Variants in LHFPL3 observed in about 807,000 individuals in gnomAD.
The protein encoded by LHFPL3 is LHFPL tetraspan subfamily member 3.
Under a neutral mutation model 19.3 loss-of-function variants are expected in LHFPL3, and 5 were observed. That is an observed-to-expected ratio of 0.26 (90% confidence interval 0.14 to 0.54). The LOEUF is 0.54. Ranked by LOEUF, LHFPL3 falls within the 20% of genes least tolerant of loss-of-function variation. The pLI is 0.94. For missense variants in LHFPL3, 249 were observed against 307.4 expected (o/e 0.81, Z 1.42); for synonymous variants, 133 against 126.2 (o/e 1.05, Z -0.36).
rs913379490 is a variant in LHFPL3, at chr7:104,906,541, T to C, written c.*326T>C. On this transcript the variant is annotated 3_prime_UTR_variant, in exon 3 of 3. Coordinates refer to ENST00000424859, the MANE Select transcript of LHFPL3 (RefSeq NM_199000.3). Reference sequence around the variant, plus strand: ...GAATATAAATGCTCTAGAGTTAACATGTAAAATATATACGTACTGAGGTTT... The same window carrying C: ...GAATATAAATGCTCTAGAGTTAACACGTAAAATATATACGTACTGAGGTTT... 3 of 334,490 alleles carry C rather than the reference T, an allele frequency of 9.0e-6. No homozygotes were observed. Among genetic ancestry groups the C allele is most frequent in the African/African-American group, 2.1e-5 (1 of 47,494 alleles). The allele number at this position is 334,490 out of a possible 1,614,324, so 20.7% of individuals were successfully genotyped here. A position where few individuals can be genotyped will look rare whatever the true frequency, so the allele number is the denominator to read the frequency against.
chr7:104,653,233 T>C (rs181870160), intron 1 of LHFPL3, among the ~76,000 whole-genome samples: 1 of 152,246 alleles, frequency 6.6e-6, no homozygotes, highest in African/African-American at 2.4e-5. Context: ...TGAGGCCCAG[T>C]GGAGAAGAGG....
chr7:104,507,279 A>G lies in LHFPL3; in HGVS notation c.445+178055A>G, dbSNP rs193080087. On this transcript the variant is annotated intron_variant, in intron 1 of 2. Transcript: ENST00000424859. ...ACAGAGATATAGATCAATGGAACAG[A>G]ACAGAGCCCTCAGAAATAACCCCGC... Among the ~76,000 whole-genome samples the G allele has an allele frequency of 5.0e-3, 741 of 147,470 alleles. 16 individuals carry two copies. Among genetic ancestry groups the G allele is most frequent in the African/African-American group, 0.017 (682 of 39,474 alleles).
chr7:104,791,194 T>G (rs1227951920), intron 2 of LHFPL3, among the ~76,000 whole-genome samples: 1 of 152,198 alleles, frequency 6.6e-6, no homozygotes, highest in Admixed American at 6.5e-5. Flanking sequence ...GAGGAGGGGT[T>G]GTCACTGGCT....
chr7:104,467,749 T>G (rs911635522), intron 1 of LHFPL3, among the ~76,000 whole-genome samples: 1 of 152,210 alleles, frequency 6.6e-6, no homozygotes, highest in Non-Finnish European at 1.5e-5. Context: ...AAAACATGGA[T>G]TGATAGTAAT....
intron 1 of LHFPL3, among the ~76,000 whole-genome samples, chr7:104,730,794 G>C (rs1793685369): frequency 6.6e-6 from 1 of 152,068 alleles, no homozygotes; most frequent in Admixed American, 6.5e-5. Flanking sequence ...CATTACTTTT[G>C]GTGTTTTAGA....
At chr7:104,756,571 C>T (rs184678021) in intron 2 of LHFPL3, among the ~76,000 whole-genome samples, 3 of 152,204 alleles carry the variant, frequency 2.0e-5, no homozygotes, top group Non-Finnish European at 4.4e-5. Flanking sequence ...GCCCTCTCAG[C>T]TCACTGCAAC....
intron 1 of LHFPL3, among the ~76,000 whole-genome samples, chr7:104,568,992 T>G (rs1207057746): frequency 6.6e-6 from 1 of 152,092 alleles, no homozygotes; most frequent in Non-Finnish European, 1.5e-5. Context: ...CAAAATAAGA[T>G]CTCCCAAAGA....
chr7:104,489,249 A>G lies in LHFPL3; in HGVS notation c.445+160025A>G, dbSNP rs1220432289. ...AGGCGCCCGCCACTACGCCCGGCTAATTTTTTGTATTTTTAGTAGAGACGG... is the reference window on the plus strand; with the variant it reads ...AGGCGCCCGCCACTACGCCCGGCTAGTTTTTTGTATTTTTAGTAGAGACGG... On this transcript the variant is annotated intron_variant, in intron 1 of 2. Coordinates refer to ENST00000424859, the MANE Select transcript of LHFPL3 (RefSeq NM_199000.3). Among the ~76,000 whole-genome samples, 4 of 51,114 alleles carry G rather than the reference A, an allele frequency of 7.8e-5. 2 individuals are homozygous for G. Among genetic ancestry groups the G allele is most frequent in the Non-Finnish European group, 1.2e-4 (2 of 17,034 alleles). The allele number at this position is 51,114 out of a possible 152,430, so 33.5% of individuals were successfully genotyped here.
chr7:104,874,408 G>C (rs1480296301), intron 2 of LHFPL3, among the ~76,000 whole-genome samples: 1 of 115,342 alleles, frequency 8.7e-6, no homozygotes, highest in Non-Finnish European at 1.8e-5. Flanking sequence ...TTTTTTTTTG[G>C]GGGGGGGACA....
At chr7:104,822,506 C>T (rs1790694228) in intron 2 of LHFPL3, among the ~76,000 whole-genome samples, 1 of 152,120 alleles carries the variant, frequency 6.6e-6, no homozygotes, top group Non-Finnish European at 1.5e-5. Context: ...AGGATGTTTG[C>T]CAACAGTCCT....
chr7:104,831,940 CA>C (rs914769728), intron 2 of LHFPL3, among the ~76,000 whole-genome samples: 9 of 151,950 alleles, frequency 5.9e-5, no homozygotes, highest in Non-Finnish European at 2.9e-5. Context: ...AATAAGATGG[CA>C]TAAGGAAATG....
chr7:104,596,675 T>C (rs1360252964), intron 1 of LHFPL3, among the ~76,000 whole-genome samples: 1 of 152,226 alleles, frequency 6.6e-6, no homozygotes, highest in Non-Finnish European at 1.5e-5. Context: ...CCTGCCTTGG[T>C]AGTCACAGGA....
At chr7:104,473,376 T>C (rs1011022153) in intron 1 of LHFPL3, among the ~76,000 whole-genome samples, 1 of 152,268 alleles carries the variant, frequency 6.6e-6, no homozygotes, top group Non-Finnish European at 1.5e-5. Flanking sequence ...TTTTTACTTG[T>C]ATCTCTGATA....
intron 1 of LHFPL3, among the ~76,000 whole-genome samples, chr7:104,410,850 G>A (rs1022152447): frequency 6.6e-6 from 1 of 152,168 alleles, no homozygotes; most frequent in Non-Finnish European, 1.5e-5. Flanking sequence ...TTTGAAGGAT[G>A]AATTGGCCAA....
At chr7:104,753,188 A>C (rs1794210569) in intron 2 of LHFPL3, among the ~76,000 whole-genome samples, 1 of 152,220 alleles carries the variant, frequency 6.6e-6, no homozygotes, top group Non-Finnish European at 1.5e-5. Flanking sequence ...GACCACTATA[A>C]TAGAACTTTA....
intron 1 of LHFPL3, among the ~76,000 whole-genome samples, chr7:104,579,412 A>G (rs753180448): frequency 6.6e-6 from 1 of 152,134 alleles, no homozygotes; most frequent in Non-Finnish European, 1.5e-5. Flanking sequence ...AACATGCGGT[A>G]TTGGGTTTTC....
chr7:104,402,004 T>C (rs1791322489), intron 1 of LHFPL3, among the ~76,000 whole-genome samples: 1 of 151,708 alleles, frequency 6.6e-6, no homozygotes, highest in African/African-American at 2.4e-5. Context: ...TCTACAAGCA[T>C]TGAAAAAGTA....
At chr7:104,603,189 TTCTTTCTTTCTTTC>T in intron 1 of LHFPL3, among the ~76,000 whole-genome samples, 2 of 150,290 alleles carry the variant, frequency 1.3e-5, no homozygotes, top group Non-Finnish European at 3.0e-5. Context: ...CTTTCTTCCT[TTCTTTCTTTCTTTC>T]TCTTTCTTTC....
intron 2 of LHFPL3, among the ~76,000 whole-genome samples, chr7:104,796,140 C>T (rs1790121170): frequency 1.3e-5 from 2 of 152,168 alleles, no homozygotes; most frequent in South Asian, 4.1e-4. Context: ...AATAGTGCAG[C>T]CCCAAGTTAG....
Sources: allele counts gnomAD v4.1 joint callset (sites outside exome capture counted in the v4.1 genomes callset), GRCh38; gene constraint gnomAD v4.1.1; transcripts MANE v1.5; gene names NCBI Gene and HGNC (gene_info 2026-07-23, HGNC 2026-07-21).